KDM4C: variants seen among roughly 807,000 people sequenced by gnomAD.
The protein encoded by KDM4C is lysine demethylase 4C, also known as lysine-specific demethylase 4C.
KDM4C carries 81 observed loss-of-function variants against 129.3 expected under a neutral mutation model. That is an observed-to-expected ratio of 0.63 (90% CI 0.52 to 0.75). The LOEUF is 0.75. Ranked by LOEUF, KDM4C falls within the 30% of genes least tolerant of loss-of-function variation. The probability of loss-of-function intolerance (pLI) is 0.00; values close to 1 mark genes in which losing one functional copy is unlikely to be tolerated. For synonymous variants in KDM4C, 573 were observed against 456.1 expected, an observed-to-expected ratio of 1.26 and a Z score of -3.26; for missense variants, 1,457 against 1,304.0, an observed-to-expected ratio of 1.12 and a Z score of -1.81.
intron 15 of KDM4C, among the ~76,000 whole-genome samples, chr9:7,040,124 T>C: frequency 6.6e-6 from 1 of 152,136 alleles, no homozygotes; most frequent in African/African-American, 2.4e-5. Flanking sequence ...AATAATATCC[T>C]ACTTCATGAA....
intron 12 of KDM4C, among the ~76,000 whole-genome samples, chr9:7,010,381 C>T (rs1193406109): frequency 2.0e-5 from 3 of 152,110 alleles, no homozygotes; most frequent in African/African-American, 4.8e-5. Context: ...TGGCATTTGA[C>T]ATATTTTGAG....
intron 8 of KDM4C, among the ~76,000 whole-genome samples, chr9:6,963,630 GAC>G (rs1830388249): frequency 6.6e-6 from 1 of 152,218 alleles, no homozygotes; most frequent in Admixed American, 6.5e-5. Flanking sequence ...ACAGTGGAGA[GAC>G]AGGACATCTG....
intron 18 of KDM4C, among the ~76,000 whole-genome samples, chr9:7,110,160 A>G (rs139464449): frequency 7.2e-5 from 11 of 152,312 alleles, no homozygotes; most frequent in African/African-American, 2.6e-4. Flanking sequence ...GCAGTGGGAA[A>G]TGCCAAAGTT....
intron 6 of KDM4C, among the ~76,000 whole-genome samples, chr9:6,881,854 C>G (rs1413375311): frequency 1.3e-5 from 2 of 152,088 alleles, no homozygotes; most frequent in African/African-American, 4.8e-5. Flanking sequence ...TTGAATTCTG[C>G]TAAATAATTA....
intron 1 of KDM4C, among the ~76,000 whole-genome samples, chr9:6,751,554 T>C (rs1360889079): frequency 6.6e-6 from 1 of 152,218 alleles, no homozygotes; most frequent in Non-Finnish European, 1.5e-5. Context: ...CATGGGAAGA[T>C]CTTGTGGCTA....
At chr9:6,757,761 A>G (rs530924759), upstream of KDM4C, 1 of 985,606 alleles carries the variant, frequency 1.0e-6, no homozygotes, top group Non-Finnish European at 1.2e-6. Context: ...TTCTCCTTCT[A>G]CGCGAGTATC....
chr9:7,112,607 T>C (rs1466571233), intron 18 of KDM4C, among the ~76,000 whole-genome samples: 1 of 152,216 alleles, frequency 6.6e-6, no homozygotes, highest in Non-Finnish European at 1.5e-5. Context: ...TCACTTTCAG[T>C]GTGCCCATCT....
intron 17 of KDM4C, among the ~76,000 whole-genome samples, chr9:7,069,948 G>A (rs1001102551): frequency 6.6e-6 from 1 of 152,210 alleles, no homozygotes; most frequent in South Asian, 2.1e-4. Flanking sequence ...ATTATAAAGT[G>A]TAGTGTGACT....
chr9:7,075,726 A>G (rs1028114228), intron 17 of KDM4C, among the ~76,000 whole-genome samples: 26 of 152,118 alleles, frequency 1.7e-4, no homozygotes, highest in African/African-American at 6.3e-4. Flanking sequence ...CTGTTACAGC[A>G]ACACTGCTTA....
chr9:7,170,267 G>A, intron 21 of KDM4C: 1 of 1,105,688 alleles, frequency 9.0e-7, no homozygotes, highest in Non-Finnish European at 1.1e-6. Context: ...GTAGATCAAA[G>A]GGGACTCGGC....
chr9:7,125,507 GA>G (rs1477102692), intron 18 of KDM4C, among the ~76,000 whole-genome samples: 1 of 152,198 alleles, frequency 6.6e-6, no homozygotes, highest in Non-Finnish European at 1.5e-5. Flanking sequence ...GACTGTTGAG[GA>G]AATTAGTGAA....
chr9:6,865,304 C>G (rs893481968), intron 5 of KDM4C, among the ~76,000 whole-genome samples: 1 of 151,944 alleles, frequency 6.6e-6, no homozygotes, highest in Admixed American at 6.6e-5. Context: ...CAAAGTGCCC[C>G]GTCTTTGTTA....
intron 5 of KDM4C, among the ~76,000 whole-genome samples, chr9:6,869,440 G>T (rs1350519220): frequency 6.6e-6 from 1 of 152,204 alleles, no homozygotes; most frequent in African/African-American, 2.4e-5. Context: ...CATGTTTATT[G>T]TTACTGTTTT....
intron 1 of KDM4C, among the ~76,000 whole-genome samples, chr9:6,770,166 T>G (rs1475903646): frequency 6.8e-6 from 1 of 146,580 alleles, no homozygotes; most frequent in African/African-American, 2.5e-5. Flanking sequence ...GCAACGAGAG[T>G]GAAACTCCAT....
At chr9:7,031,279 C>T (rs1365023011) in intron 15 of KDM4C, among the ~76,000 whole-genome samples, 1 of 152,012 alleles carries the variant, frequency 6.6e-6, no homozygotes, top group Non-Finnish European at 1.5e-5. Flanking sequence ...TCTCTTGCCT[C>T]AGCCTCCTGA....
Position 6,974,740 on chromosome 9 carries a change from C to A in KDM4C, c.922-6185C>A, listed in dbSNP as rs746404135. On this transcript the variant is annotated intron_variant, in intron 8 of 21. Transcript: ENST00000381309. ...TTTAGATCTCTAAGAGTGTGCAGAG[C>A]CCTATTTTTATCTGATCTTCCTCAG... is the stretch of plus-strand genomic sequence containing the variant. The A allele has an allele frequency of 8.5e-5, 13 of 152,078 alleles. 1 individual carries two copies. Among genetic ancestry groups the A allele is most frequent in the South Asian group, 4.1e-4 (2 of 4,822 alleles). The allele number at this position is 152,078 out of a possible 1,614,324, so 9.4% of individuals were successfully genotyped here. A position where few individuals can be genotyped will look rare whatever the true frequency, so the allele number is the denominator to read the frequency against.
intron 2 of KDM4C, among the ~76,000 whole-genome samples, chr9:6,801,615 T>G (rs1828987421): frequency 6.7e-6 from 1 of 149,506 alleles, no homozygotes; most frequent in South Asian, 2.1e-4. Flanking sequence ...CTTGTGCAGA[T>G]ATGCTCTCTC....
chr9:6,981,028 C>T lies in KDM4C; in HGVS notation c.1025C>T (p.Thr342Ile). The change falls in exon 9 of 22, where the codon ACC (threonine) becomes ATC (isoleucine). Residue 342 changes from threonine (T) to isoleucine (I), a missense_variant. Transcript: ENST00000381309. ...TGGAAACAAGGAAAGGATATATACA[C>T]CATTGATCACACGAAGCCTACTCCA... The part of the protein sequence containing the change: ...QLWKQGKDIY[T>I]IDHTKPTPAS... 6.2e-7 allele frequency: 1 copy of T among 1,613,814 alleles called. No homozygotes were observed. The highest frequency in any genetic ancestry group is 8.5e-7 in the Non-Finnish European group (1 of 1,179,826).
chr9:6,837,000 A>T (rs116221505), intron 4 of KDM4C, among the ~76,000 whole-genome samples: 2,790 of 152,228 alleles, frequency 0.018, 73 homozygotes, highest in African/African-American at 0.063. Flanking sequence ...ACTTTACCAG[A>T]TACTGTTGAA....
Sources: allele counts gnomAD v4.1 joint callset (sites outside exome capture counted in the v4.1 genomes callset), GRCh38; gene constraint gnomAD v4.1.1; transcripts MANE v1.5; gene names NCBI Gene and HGNC (gene_info 2026-07-23, HGNC 2026-07-21).